The following P3H3 variants were observed in gnomAD, a reference collection of about 807,000 sequenced individuals.
P3H3 encodes prolyl 3-hydroxylase 3, also known as gene rich cluster, B.
P3H3 carries 64 observed loss-of-function variants against 78.1 expected under a neutral mutation model. The ratio of observed to expected loss-of-function variants is 0.82; its 90% CI spans 0.67 to 1.01. The LOEUF (loss-of-function observed/expected upper bound fraction) is 1.01. Ranked by LOEUF, P3H3 falls within the 50% of genes least tolerant of loss-of-function variation. The pLI, the probability that P3H3 is intolerant of heterozygous loss-of-function variation, is 0.00. For synonymous variants in P3H3, 425 were observed against 416.7 expected (o/e 1.02, Z -0.24); for missense variants, 975 against 982.2 (o/e 0.99, Z 0.10).
chr12:6,838,918 T>A, intron 13 of P3H3, 82 bp from the exon 14 acceptor site: 1 of 1,262,722 alleles, frequency 7.9e-7, no homozygotes, highest in Non-Finnish European at 1.1e-6. Flanking sequence ...TGTGCCCCTG[T>A]CCCCATCCTG....
At chr12:6,838,531 G>A (rs540348559) in intron 13 of P3H3, among the ~76,000 whole-genome samples, 1 of 152,176 alleles carries the variant, frequency 6.6e-6, no homozygotes. Context: ...GTAATGATAA[G>A]CAATTAATGA....
At position 6,829,454 on chromosome 12, in the gene P3H3, T is replaced by A; in HGVS notation, c.499-405T>A. On this transcript the variant is annotated intron_variant, in intron 1 of 14. Coordinates refer to ENST00000290510, the MANE Select transcript of P3H3 (RefSeq NM_014262.5). This position sits in a 1 kb window ranked among gnomAD's most constrained non-coding sequence, Gnocchi z 5.1. ...GCCGGTACCGCAGCAGTTGCCTACG[T>A]GGCTGGGGAAGCGGGGCGCCGGTTG... 1 of 237,468 alleles carries A rather than the reference T, an allele frequency of 4.2e-6. No homozygotes were observed. Among genetic ancestry groups the A allele is most frequent in the South Asian group, 5.4e-5 (1 of 18,440 alleles). 14.7% of individuals were successfully genotyped at this position (237,468 alleles called of 1,614,324 possible).
chr12:6,837,692 C>T, intron 11 of P3H3, 40 bp from the exon 12 acceptor site: 2 of 1,587,136 alleles, frequency 1.3e-6, no homozygotes. Context: ...CAGATGGGCA[C>T]AGGGGCACAG....
rs1555121484 is a variant in P3H3 at position 6,831,836 on chromosome 12, C to T, written c.1134C>T (p.Arg378=). The T allele has an allele frequency of 6.2e-7, 1 of 1,605,210 alleles. No individual in the cohort carries two copies. Among genetic ancestry groups the T allele is most frequent in the Non-Finnish European group, 8.5e-7 (1 of 1,174,138 alleles). Residue 378 remains arginine (R), a synonymous_variant, in exon 6 of 15, where the codon CGC becomes CGT. Coordinates refer to ENST00000290510, the MANE Select transcript of P3H3 (RefSeq NM_014262.5). The surrounding 1 kb of genome is among the most constrained non-coding windows in gnomAD (Gnocchi z 4.6). ...PGLGPREDIQ[R]FILRSLGEKR... Reference sequence around the variant, plus strand: ...CATCTCACCCTCAGGACATCCAGCGCTTCATCCTCCGATCCCTGGGGGAGA... The same window carrying T: ...CATCTCACCCTCAGGACATCCAGCGTTTCATCCTCCGATCCCTGGGGGAGA...
intron 9 of P3H3, among the ~76,000 whole-genome samples, chr12:6,836,627 G>A (rs1555122153): frequency 6.6e-6 from 1 of 152,164 alleles, no homozygotes; most frequent in Non-Finnish European, 1.5e-5. Flanking sequence ...CTCTATTCTT[G>A]GCTCATCGGG....
Position 6,830,678 on chromosome 12 carries a change from TG to T in P3H3, c.898del (p.Glu300LysfsTer20). ...GTCCTGCAGTGCCGGCAACGCTGTGTGGGGGAAACAGCCACACGCCCTGGTC... is the reference window on the plus strand; with the variant it reads ...GTCCTGCAGTGCCGGCAACGCTGTGTGGGGAAACAGCCACACGCCCTGGTC... Reference protein sequence around the residue: ...IQVLQCRQRCVGETATRPGRS... With the variant: ...IQVLQCRQRCXGETATRPGRS... On this transcript the variant is annotated frameshift_variant, in exon 4 of 15. Transcript: ENST00000290510. LOFTEE classifies it high-confidence loss of function. The T allele has an allele frequency of 6.2e-7, 1 of 1,613,502 alleles. No individual in the cohort carries two copies. Among genetic ancestry groups the T allele is most frequent in the South Asian group, 1.1e-5 (1 of 91,028 alleles).
chr12:6,833,510 T>C, intron 6 of P3H3, 82 bp from the exon 7 acceptor site: 1 of 1,374,086 alleles, frequency 7.3e-7, no homozygotes, highest in Non-Finnish European at 1.0e-6. Context: ...CAGAAGAAAC[T>C]TAATGAGATA....
Position 6,830,345 on chromosome 12 carries a change from C to T in P3H3, c.652-8C>T. ...TCTTAGGTGACTGACTGCTCCCTTC[C>T]CCAACAGGCAGCCTATGACACTGGC... On this transcript the variant is annotated splice_region_variant and splice_polypyrimidine_tract_variant and intron_variant, in intron 2 of 14. Transcript: ENST00000290510. 1 of 1,571,600 alleles carries T rather than the reference C, an allele frequency of 6.4e-7. No individual in the cohort carries two copies. Among genetic ancestry groups the T allele is most frequent in the Non-Finnish European group, 8.6e-7 (1 of 1,159,674 alleles).
intron 2 of P3H3, 98 bp from the exon 3 acceptor site, chr12:6,830,255 A>G (rs1442805287): frequency 1.4e-5 from 17 of 1,206,744 alleles, no homozygotes; most frequent in Non-Finnish European, 2.0e-5. Flanking sequence ...AGGGACATGG[A>G]GTCCTTGCCC....
chr12:6,830,802 A>T, intron 4 of P3H3, 32 bp downstream of exon 4: 1 of 1,613,460 alleles, frequency 6.2e-7, no homozygotes, highest in Non-Finnish European at 8.5e-7. Flanking sequence ...ACGGGGAGTG[A>T]AGATTTGCCT....
chr12:6,836,371 G>A (rs1555122121), intron 9 of P3H3, among the ~76,000 whole-genome samples: 1 of 152,080 alleles, frequency 6.6e-6, no homozygotes, highest in Non-Finnish European at 1.5e-5. Context: ...TGTCAGAAAA[G>A]CGAATAATTC....
intron 13 of P3H3, among the ~76,000 whole-genome samples, 182 bp from the exon 14 acceptor site, chr12:6,838,818 G>T (rs1397472764): frequency 6.6e-6 from 1 of 152,142 alleles, no homozygotes; most frequent in Non-Finnish European, 1.5e-5. Flanking sequence ...TTGCATTTTT[G>T]CTCTGCAAGT....
At chr12:6,836,877 G>C in intron 9 of P3H3, 108 bp from the exon 10 acceptor site, 1 of 731,438 alleles carries the variant, frequency 1.4e-6, no homozygotes, top group African/African-American at 1.7e-5. Context: ...AACTGTGGGA[G>C]CATCTAGCTT....
At chr12:6,834,188 G>A (rs1004491595) in intron 9 of P3H3, 139 bp downstream of exon 9, 2 of 1,314,988 alleles carry the variant, frequency 1.5e-6, no homozygotes, top group African/African-American at 1.5e-5. Flanking sequence ...CCTCTCAGCT[G>A]TGGATAAGTT....
intron 9 of P3H3, 131 bp from the exon 10 acceptor site, chr12:6,836,854 C>T (rs1555122185): frequency 1.9e-5 from 12 of 647,694 alleles, no homozygotes; most frequent in South Asian, 9.3e-5. Flanking sequence ...CTCAGGAAGA[C>T]GAGCCACAAC....
Position 6,837,777 on chromosome 12 carries a change from A to G in P3H3, c.1757A>G (p.Asp586Gly), listed in dbSNP as rs781894901. The G allele has an allele frequency of 2.5e-6, 4 of 1,613,460 alleles. No homozygotes were observed. The highest frequency in any genetic ancestry group is 3.3e-5 in the Admixed American group (2 of 59,956). Reference protein sequence around the residue: ...RMDLSHPVHADNCVLDPDTGE... With the variant: ...RMDLSHPVHAGNCVLDPDTGE... The stretch of plus-strand genomic sequence containing the variant: ...GACCTGAGTCACCCAGTGCACGCAG[A>G]CAACTGCGTCCTGGACCCTGACACG... Residue 586 changes from aspartate (D) to glycine (G), a missense_variant, in exon 12 of 15, where the codon GAC (aspartate) becomes GGC (glycine). Coordinates refer to ENST00000290510, the MANE Select transcript of P3H3 (RefSeq NM_014262.5).
chr12:6,832,258 T>C (rs1208193011), intron 6 of P3H3, among the ~76,000 whole-genome samples: 1 of 152,250 alleles, frequency 6.6e-6, no homozygotes, highest in Non-Finnish European at 1.5e-5. Flanking sequence ...GCTGCTTTTA[T>C]TTCTCTTCTT....
chr12:6,838,573 G>A (rs1020319598), intron 13 of P3H3, among the ~76,000 whole-genome samples: 1 of 152,178 alleles, frequency 6.6e-6, no homozygotes, highest in South Asian at 2.1e-4. Flanking sequence ...GACACCAGGG[G>A]CTAGGATTGG....
Position 6,828,748 on chromosome 12 carries a change from C to G in P3H3, c.308C>G (p.Pro103Arg). The G allele has an allele frequency of 3.2e-6, 4 of 1,245,066 alleles. No individual in the cohort carries two copies. Among genetic ancestry groups the G allele is most frequent in the Non-Finnish European group, 4.0e-6 (4 of 994,908 alleles). The allele number at this position is 1,245,066 out of a possible 1,614,324, so 77.1% of individuals were successfully genotyped here. Reference sequence around the variant, plus strand: ...GGGGCCCCGGAGCCCGACTCCGGGCCGGGACCCACGCAGGGGTCCTGGGAG... The same window carrying G: ...GGGGCCCCGGAGCCCGACTCCGGGCGGGGACCCACGCAGGGGTCCTGGGAG... ...LLGAPEPDSGPGPTQGSWERQ... is the reference protein window; with the variant it reads ...LLGAPEPDSGRGPTQGSWERQ... Residue 103 changes from proline to arginine, a missense_variant, in exon 1 of 15, where the codon CCG becomes CGG. Transcript: ENST00000290510.
Sources: gnomAD v4.1 joint callset for allele counts (sites outside exome capture counted in the v4.1 genomes callset) on GRCh38, gnomAD v4.1.1 for gene constraint, Gnocchi (gnomAD v3.1) non-coding constraint, MANE v1.5 for transcripts, NCBI Gene and HGNC (gene_info 2026-07-23, HGNC 2026-07-21) for gene names.